The following ALG9 variants were observed in gnomAD, a reference collection of about 807,000 sequenced individuals.
ALG9 encodes the protein alpha-1,2-mannosyltransferase ALG9.
A neutral mutation model predicts 81.8 loss-of-function variants in ALG9; 55 were observed. The ratio of observed to expected loss-of-function variants is 0.67; its 90% CI spans 0.54 to 0.84. The LOEUF is 0.84. Among genes scored for constraint, ALG9 ranks in the 40% least tolerant of loss-of-function variants. The pLI, the probability that ALG9 is intolerant of heterozygous loss-of-function variation, is 0.00. For missense variants in ALG9, 629 were observed against 745.0 expected (o/e 0.84, Z 1.81); for synonymous variants, 278 against 274.3 (o/e 1.01, Z -0.13).
chr11:111,834,763 C>T (rs1954951879), intron 13 of ALG9, among the ~76,000 whole-genome samples: 1 of 152,180 alleles, frequency 6.6e-6, no homozygotes, highest in Admixed American at 6.5e-5. Context: ...GACTGTCCAG[C>T]TTCTCTAGAA....
At chr11:111,776,186 A>C in the ALG9 span, among the ~76,000 whole-genome samples, 3 of 152,076 alleles carry the variant, frequency 2.0e-5, no homozygotes, top group Non-Finnish European at 4.4e-5. Flanking sequence ...ATAAATAACA[A>C]AAAATAAATA....
chr11:111,850,129 T>C (rs1435141907), intron 8 of ALG9, among the ~76,000 whole-genome samples: 1 of 152,242 alleles, frequency 6.6e-6, no homozygotes, highest in Non-Finnish European at 1.5e-5. Context: ...GAAGTACTTT[T>C]TGATTTAAAA....
intron 13 of ALG9, among the ~76,000 whole-genome samples, chr11:111,832,822 G>A (rs556530613): frequency 6.6e-6 from 1 of 152,246 alleles, no homozygotes; most frequent in South Asian, 2.1e-4. Flanking sequence ...AAGATGGGAG[G>A]ATTGCTTGAG....
chr11:111,856,589 T>A (rs1370185315), intron 6 of ALG9, among the ~76,000 whole-genome samples: 1 of 151,436 alleles, frequency 6.6e-6, no homozygotes, highest in Non-Finnish European at 1.5e-5. Flanking sequence ...AGAAGAAAAT[T>A]AGGAATTGTT....
intron 10 of ALG9, 86 bp downstream of exon 10, chr11:111,840,569 C>A (rs1956066914): frequency 1.4e-6 from 2 of 1,481,434 alleles, no homozygotes; most frequent in East Asian, 4.5e-5. Flanking sequence ...TAGGTGGAAG[C>A]ATTCTGTAAT....
chr11:111,825,546 C>A (rs781833128), intron 13 of ALG9, among the ~76,000 whole-genome samples: 5 of 152,186 alleles, frequency 3.3e-5, no homozygotes, highest in African/African-American at 4.8e-5. Context: ...TTTCCCCTTC[C>A]TCAGCCAGAA....
chr11:111,847,166 G>T (rs1045275725), intron 8 of ALG9, among the ~76,000 whole-genome samples: 4 of 151,620 alleles, frequency 2.6e-5, no homozygotes, highest in African/African-American at 9.7e-5. Flanking sequence ...CCACCGAGAG[G>T]GAAAAGCCAC....
At chr11:111,832,245 T>C (rs1173037355) in intron 13 of ALG9, among the ~76,000 whole-genome samples, 2 of 152,222 alleles carry the variant, frequency 1.3e-5, no homozygotes, top group Non-Finnish European at 2.9e-5. Context: ...ATTTAACATA[T>C]GTAAAATCAT....
intron 13 of ALG9, among the ~76,000 whole-genome samples, chr11:111,811,396 A>T (rs1950687206): frequency 6.6e-6 from 1 of 152,104 alleles, no homozygotes; most frequent in Non-Finnish European, 1.5e-5. Context: ...TACAGAAATT[A>T]GCTGGGTGTG....
intron 14 of ALG9, among the ~76,000 whole-genome samples, chr11:111,791,041 A>T (rs1555070016): frequency 6.6e-6 from 1 of 152,232 alleles, no homozygotes. Flanking sequence ...AAAAATTTCA[A>T]ATATATATGA....
chr11:111,849,339 C>A (rs1000605807), intron 8 of ALG9: 1 of 152,270 alleles, frequency 6.6e-6, no homozygotes, highest in Admixed American at 6.5e-5. Flanking sequence ...GCGTGAGCCA[C>A]CACACCTGAC....
At chr11:111,851,496 GA>G (rs1957825366) in intron 8 of ALG9, among the ~76,000 whole-genome samples, 2 of 132,552 alleles carry the variant, frequency 1.5e-5, no homozygotes, top group Non-Finnish European at 3.1e-5. Context: ...AAAAAAAAAA[GA>G]GAGAGAGAGA....
chr11:111,844,582 C>T lies in ALG9; in HGVS notation c.1018+19G>A, dbSNP rs781892664. On this transcript the variant is annotated intron_variant, in intron 9 of 14. Transcript: ENST00000616540. ...TGCTCTTTCCTCCCAAAACACCTAC[C>T]ATCTCTTATGCCACTCACCATGAAA... 61 of 1,613,794 alleles carry T rather than the reference C, an allele frequency of 3.8e-5. 3 individuals carry two copies. The South Asian group carries it at 6.2e-4, about 16-fold the overall frequency.
Position 111,786,338 on chromosome 11 carries a change from C to T in ALG9, c.*59G>A, listed in dbSNP as rs1946464951. On this transcript the variant is annotated 3_prime_UTR_variant, in exon 15 of 15. Coordinates refer to ENST00000616540, the MANE Select transcript of ALG9 (RefSeq NM_024740.2). Reference sequence around the variant, plus strand: ...TTACAGGCGATGACTTGCAGGGAGTCAGGTCACTGGAATCAATAGTTAACA... The same window carrying T: ...TTACAGGCGATGACTTGCAGGGAGTTAGGTCACTGGAATCAATAGTTAACA... 3 of 1,609,910 alleles carry T rather than the reference C, an allele frequency of 1.9e-6. No individual in the cohort carries two copies. The highest frequency in any genetic ancestry group is 1.7e-5 in the Admixed American group (1 of 59,876).
chr11:111,868,845 G>A (rs1963343042), intron 2 of ALG9, 109 bp from the exon 3 acceptor site: 2 of 1,177,904 alleles, frequency 1.7e-6, no homozygotes, highest in African/African-American at 1.5e-5. Flanking sequence ...GGCAAGCCAG[G>A]CACGATGCCT....
chr11:111,837,700 G>A, intron 11 of ALG9, 85 bp from the exon 12 acceptor site: 1 of 1,461,960 alleles, frequency 6.8e-7, no homozygotes, highest in Non-Finnish European at 9.4e-7. Flanking sequence ...ATGTCGCACT[G>A]TAAGCCACAG....
intron 14 of ALG9, among the ~76,000 whole-genome samples, chr11:111,808,736 T>A (rs1950273267): frequency 6.6e-6 from 1 of 152,210 alleles, no homozygotes; most frequent in Non-Finnish European, 1.5e-5. Context: ...TCCTGGCTCC[T>A]GGGCTCTGCT....
chr11:111,853,611 A>G, intron 7 of ALG9, 38 bp downstream of exon 7: 1 of 1,598,046 alleles, frequency 6.3e-7, no homozygotes, highest in Non-Finnish European at 8.6e-7. Flanking sequence ...TGCTTTCATT[A>G]CAACTTTAGG....
rs782531411 is a variant in ALG9 at position 111,836,256 on chromosome 11, T to C, written c.1511A>G (p.Gln504Arg). 1.9e-6 allele frequency: 3 copies of C among 1,614,112 alleles called. No homozygotes were observed. The South Asian group carries it at 3.3e-5, about 18-fold the overall frequency. Residue 504 changes from glutamine (Q) to arginine (R), a missense_variant, in exon 13 of 15, where the codon CAG becomes CGG. Physicochemically the swap from Gln to Arg is conservative, Grantham distance 43 (BLOSUM62 1). Coordinates refer to ENST00000616540, the MANE Select transcript of ALG9 (RefSeq NM_024740.2). The part of the protein sequence containing the change: ...LQFIPSEFRG[Q>R]LPKPFAEGPL... ...TCCTTCTGCAAAAGGTTTTGGTAAC[T>C]GACCTCTGAACTCTGATGGAATGAA...
Sources: gnomAD v4.1 joint callset for allele counts (sites outside exome capture counted in the v4.1 genomes callset) on GRCh38, gnomAD v4.1.1 for gene constraint, MANE v1.5 for transcripts, NCBI Gene and HGNC (gene_info 2026-07-23, HGNC 2026-07-21) for gene names.